FHIT: variants seen among roughly 807,000 people sequenced by gnomAD.
The protein encoded by FHIT is fragile histidine triad diadenosine triphosphatase.
FHIT carries 19 observed loss-of-function variants against 17.9 expected under a neutral mutation model. That is an observed-to-expected ratio of 1.06 (90% CI 0.74 to 1.56). The LOEUF (loss-of-function observed/expected upper bound fraction) is 1.56. Among genes scored for constraint, FHIT ranks in the 40% most tolerant of loss-of-function variants. FHIT has a pLI of 0.00. For synonymous variants in FHIT, 81 were observed against 69.7 expected, an observed-to-expected ratio of 1.16 and a Z score of -0.81; for missense variants, 248 against 189.2, an observed-to-expected ratio of 1.31 and a Z score of -1.82.
intron 5 of FHIT, among the ~76,000 whole-genome samples, chr3:60,214,942 CACTT>C (rs1270766959): frequency 6.6e-6 from 1 of 152,096 alleles, no homozygotes; most frequent in Non-Finnish European, 1.5e-5. Flanking sequence ...AACACCCTCT[CACTT>C]ATAAGTGGGA....
chr3:60,174,663 A>C (rs1325364244), intron 5 of FHIT, among the ~76,000 whole-genome samples: 1 of 152,086 alleles, frequency 6.6e-6, no homozygotes, highest in African/African-American at 2.4e-5. Flanking sequence ...AGCTCAGATA[A>C]ATTTCACATA....
chr3:60,131,678 T>C lies in FHIT; in HGVS notation c.104-117526A>G, dbSNP rs986650982. ...GCCCTTTTGATTTCTCTTTCAATCC[T>C]GTCCCCAAGCCTGAACTCATCAGTA... is the stretch of plus-strand genomic sequence containing the variant. On this transcript the variant is annotated intron_variant, in intron 5 of 9. Coordinates refer to ENST00000492590, the MANE Select transcript of FHIT (RefSeq NM_002012.4). 3.9e-5 allele frequency among the ~76,000 whole-genome samples: 6 copies of C among 152,102 alleles called. 1 individual carries two copies. The highest frequency in any genetic ancestry group is 2.9e-5 in the Non-Finnish European group (2 of 68,006).
At chr3:60,241,525 C>A (rs926397216) in intron 5 of FHIT, among the ~76,000 whole-genome samples, 1 of 152,128 alleles carries the variant, frequency 6.6e-6, no homozygotes, top group African/African-American at 2.4e-5. Context: ...TACTATCTTC[C>A]TATTAATCTG....
At chr3:60,114,053 ATATATATATATATATATAT>A (rs1704827663) in intron 5 of FHIT, among the ~76,000 whole-genome samples, 3 of 94,320 alleles carry the variant, frequency 3.2e-5, no homozygotes, top group Non-Finnish European at 6.1e-5. Flanking sequence ...ATATATATAT[ATATATATATATATATATAT>A]AATGTTATAT....
chr3:59,986,756 ATAAATAT>A lies in FHIT; in HGVS notation c.279+24608_279+24614del, dbSNP rs1344840861. On this transcript the variant is annotated intron_variant, in intron 7 of 9. Coordinates refer to ENST00000492590, the MANE Select transcript of FHIT (RefSeq NM_002012.4). ...AATATATACATATATTTATATATAT[ATAAATAT>A]ATTTATATAAATATATAAATATATA... Among the ~76,000 whole-genome samples the A allele has an allele frequency of 5.0e-3, 374 of 74,266 alleles. 156 individuals are homozygous for A. The highest frequency in any genetic ancestry group is 0.012 in the Admixed American group (49 of 3,948). 48.7% of individuals were successfully genotyped at this position (74,266 alleles called of 152,430 possible). A position where few individuals can be genotyped will look rare whatever the true frequency, so the allele number is the denominator to read the frequency against.
At chr3:61,061,120 A>G (rs2034412909) in intron 2 of FHIT, among the ~76,000 whole-genome samples, 1 of 152,260 alleles carries the variant, frequency 6.6e-6, no homozygotes, top group Admixed American at 6.5e-5. Flanking sequence ...TAAAATCTGA[A>G]TTAAATACAG....
At chr3:60,262,302 C>T (rs1706344831) in intron 5 of FHIT, among the ~76,000 whole-genome samples, 1 of 151,902 alleles carries the variant, frequency 6.6e-6, no homozygotes, top group Non-Finnish European at 1.5e-5. Context: ...ATGAGGGAAC[C>T]AGTAGCATGG....
chr3:59,979,541 T>TTTTTTCC (rs2107424043), intron 7 of FHIT, among the ~76,000 whole-genome samples: 1 of 152,220 alleles, frequency 6.6e-6, no homozygotes, highest in East Asian at 1.9e-4. Flanking sequence ...TGGGGACATT[T>TTTTTTCC]TTTTTCCTAT....
chr3:59,755,871 G>A (rs1461419902), intron 8 of FHIT, among the ~76,000 whole-genome samples: 2 of 151,732 alleles, frequency 1.3e-5, no homozygotes, highest in Admixed American at 6.6e-5. Context: ...GGTTATCTAC[G>A]GATCATCCAA....
chr3:60,353,919 G>A (rs373822190), intron 5 of FHIT, among the ~76,000 whole-genome samples: 52 of 152,148 alleles, frequency 3.4e-4, no homozygotes, highest in African/African-American at 1.2e-3. Context: ...TTGGTAATAT[G>A]ACCCCAAAAC....
At chr3:60,364,532 T>C (rs532792555) in intron 5 of FHIT, among the ~76,000 whole-genome samples, 16 of 152,356 alleles carry the variant, frequency 1.1e-4, no homozygotes, top group African/African-American at 3.4e-4. Flanking sequence ...AATGAATATA[T>C]TGCTGTTACA....
chr3:60,957,717 G>A (rs1553779417), intron 3 of FHIT, among the ~76,000 whole-genome samples: 3 of 152,138 alleles, frequency 2.0e-5, no homozygotes, highest in East Asian at 1.9e-4. Flanking sequence ...ACTTCCTCTC[G>A]GAAGCCCAGC....
chr3:61,012,531 A>G (rs1488112139), intron 3 of FHIT, among the ~76,000 whole-genome samples: 1 of 152,096 alleles, frequency 6.6e-6, no homozygotes, highest in Non-Finnish European at 1.5e-5. Flanking sequence ...CTCAATGCTT[A>G]TATCTAGAAA....
chr3:59,785,271 C>T, intron 8 of FHIT, among the ~76,000 whole-genome samples: 1 of 151,446 alleles, frequency 6.6e-6, no homozygotes, highest in East Asian at 1.9e-4. Context: ...ATAAATGTTT[C>T]CAGTATAACA....
At chr3:60,550,949 G>A (rs550241972) in intron 4 of FHIT, among the ~76,000 whole-genome samples, 1 of 152,254 alleles carries the variant, frequency 6.6e-6, no homozygotes, top group African/African-American at 2.4e-5. Flanking sequence ...AGAACAGGAA[G>A]GGACTTGGAG....
intron 4 of FHIT, among the ~76,000 whole-genome samples, chr3:60,812,009 A>T (rs1701584896): frequency 6.6e-6 from 1 of 152,088 alleles, no homozygotes; most frequent in South Asian, 2.1e-4. Flanking sequence ...TTTAGAAATC[A>T]TTTATCCCTC....
chr3:59,970,737 G>T (rs189327506), intron 7 of FHIT, among the ~76,000 whole-genome samples: 1 of 151,818 alleles, frequency 6.6e-6, no homozygotes. Context: ...GTTGTTCTCC[G>T]GGACTCCTAA....
chr3:60,383,428 CT>C (rs1700886534), intron 5 of FHIT, among the ~76,000 whole-genome samples: 1 of 152,074 alleles, frequency 6.6e-6, no homozygotes, highest in African/African-American at 2.4e-5. Context: ...GCAATGTCTA[CT>C]GATATTTTTG....
At chr3:60,130,770 G>T (rs1473980949) in intron 5 of FHIT, among the ~76,000 whole-genome samples, 5 of 368 alleles carry the variant, frequency 0.014, no homozygotes, top group African/African-American at 0.03. Flanking sequence ...GTGTGTTTGT[G>T]TGTGTGTGTG....
Sources: allele counts gnomAD v4.1 joint callset (sites outside exome capture counted in the v4.1 genomes callset), GRCh38; gene constraint gnomAD v4.1.1; transcripts MANE v1.5; gene names NCBI Gene and HGNC (gene_info 2026-07-23, HGNC 2026-07-21).